The following NECAP2 variants were observed in gnomAD, a reference collection of about 807,000 sequenced individuals.
NECAP2 encodes the protein adaptin ear-binding coat-associated protein 2.
In NECAP2, 38 loss-of-function variants were observed where a neutral mutation model predicts 37.8. That is an observed-to-expected ratio of 1.01 (90% CI 0.78 to 1.32). The LOEUF (loss-of-function observed/expected upper bound fraction) is 1.32. Ranked by LOEUF, NECAP2 falls within the 40% of genes most tolerant of loss-of-function variation. NECAP2 has a pLI of 0.00. For missense variants in NECAP2, 316 were observed against 334.5 expected, an observed-to-expected ratio of 0.94 and a Z score of 0.43; for synonymous variants, 121 against 127.7, an observed-to-expected ratio of 0.95 and a Z score of 0.35.
At position 16,449,106 on chromosome 1, in the gene NECAP2, C is replaced by T. The variant is rs761089425; in HGVS notation, c.394C>T (p.Gln132Ter). 2.5e-6 allele frequency: 4 copies of T among 1,612,376 alleles called. No homozygotes were observed. Among genetic ancestry groups the T allele is most frequent in the Non-Finnish European group, 3.4e-6 (4 of 1,179,118 alleles). ...LQDHFKWVKQ[Q>*]CEFAKQAQNP... is the part of the protein sequence containing the mutation. ...TTCTCTCCCCAGGTGGGTGAAACAGCAGTGTGAATTTGCAAAACAAGCCCA... is the reference window on the plus strand; with the variant it reads ...TTCTCTCCCCAGGTGGGTGAAACAGTAGTGTGAATTTGCAAAACAAGCCCA... Residue 132 changes from glutamine to a stop codon, truncating the protein, a stop_gained, in exon 5 of 8, where the codon CAG becomes TAG. Transcript: ENST00000337132. LOFTEE classifies it high-confidence loss of function.
chr1:16,445,542 C>T (rs1402839069), intron 2 of NECAP2, among the ~76,000 whole-genome samples: 1 of 152,188 alleles, frequency 6.6e-6, no homozygotes, highest in Non-Finnish European at 1.5e-5. Flanking sequence ...GAACACAAGG[C>T]AGATAAATTG....
Position 16,458,935 on chromosome 1 carries a change from C to T in NECAP2, c.*45C>T. ...CATGTGACTTCTGGGAAGGCGCTCC[C>T]TCATCTGGGCCAAAGGAAGGAGGAC... On this transcript the variant is annotated 3_prime_UTR_variant, in exon 8 of 8. Coordinates refer to ENST00000337132, the MANE Select transcript of NECAP2 (RefSeq NM_018090.5). The T allele has an allele frequency of 1.2e-6, 2 of 1,614,024 alleles. No homozygotes were observed. Among genetic ancestry groups the T allele is most frequent in the Non-Finnish European group, 1.7e-6 (2 of 1,179,994 alleles).
chr1:16,448,476 C>A (rs1467869170), intron 4 of NECAP2: 1 of 336,898 alleles, frequency 3.0e-6, no homozygotes, highest in Non-Finnish European at 5.6e-6. Flanking sequence ...ATTCCCAGGG[C>A]ACCCAGCAGA....
intron 2 of NECAP2, 68 bp downstream of exon 2, chr1:16,443,800 G>A: frequency 7.8e-7 from 1 of 1,275,038 alleles, no homozygotes; most frequent in Non-Finnish European, 1.1e-6. Flanking sequence ...GAGGTGGCCT[G>A]GTCTGGCCAG....
intron 5 of NECAP2, chr1:16,451,479 C>T (rs1322789494): frequency 4.8e-6 from 1 of 210,470 alleles, no homozygotes; most frequent in Non-Finnish European, 9.5e-6. Flanking sequence ...AGTAGTTTTA[C>T]CAGTTTACAC....
chr1:16,451,613 G>A, intron 5 of NECAP2: 1 of 581,398 alleles, frequency 1.7e-6, no homozygotes, highest in Non-Finnish European at 3.1e-6. Context: ...TTTCCCTGAT[G>A]AATGAAGTGG....
At chr1:16,452,697 G>A (rs1274520522) in intron 6 of NECAP2, among the ~76,000 whole-genome samples, 1 of 152,102 alleles carries the variant, frequency 6.6e-6, no homozygotes, top group African/African-American at 2.4e-5. Context: ...CTGGGATTCC[G>A]GAAGCGAGTG....
Position 16,443,702 on chromosome 1 carries a change from G to A in NECAP2, c.163G>A (p.Ala55Thr). 6.2e-7 allele frequency: 1 copy of A among 1,613,062 alleles called. No individual in the cohort carries two copies. Among genetic ancestry groups the A allele is most frequent in the Non-Finnish European group, 8.5e-7 (1 of 1,179,858 alleles). Residue 55 changes from alanine to threonine, a missense_variant, in exon 2 of 8, where the codon GCC (alanine) becomes ACC (threonine). By Grantham distance (58) the Ala-to-Thr change is moderately conservative (BLOSUM62 0). Around this residue, in one of 3 missense-constraint regions of NECAP2, gnomAD observed 81 missense variants for 124.2 expected, o/e 0.65. Coordinates refer to ENST00000337132, the MANE Select transcript of NECAP2 (RefSeq NM_018090.5). ...GAGGATCACTGCAAAGGGACAGATGGCCTACATCAAGCTGGAGGACAGGAC... is the reference window on the plus strand; with the variant it reads ...GAGGATCACTGCAAAGGGACAGATGACCTACATCAAGCTGGAGGACAGGAC... ...RLRITAKGQM[A>T]YIKLEDRTSG...
At chr1:16,446,068 C>T (rs1321357277) in intron 2 of NECAP2, among the ~76,000 whole-genome samples, 6 of 151,948 alleles carry the variant, frequency 3.9e-5, no homozygotes, top group African/African-American at 9.7e-5. Context: ...ATTAGCCGGG[C>T]GTGGTGGTGC....
rs1327306053 is a variant in NECAP2, at chr1:16,452,006, C to T, written c.658C>T (p.Pro220Ser). ...ATCCCTCGTCCAGCCAGCAGTTGCT[C>T]CCAGTTCAGGTTAGTGCTCAGTGGG... is the stretch of plus-strand genomic sequence containing the variant. ...GGSLVQPAVAPSSGGAPVPWP... is the reference protein window; with the variant it reads ...GGSLVQPAVASSSGGAPVPWP... The change falls in exon 6 of 8, where the codon CCC becomes TCC. Residue 220 changes from proline (P) to serine (S), a missense_variant. By Grantham distance (74) the Pro-to-Ser change is moderately conservative (BLOSUM62 -1). This residue lies in a region of NECAP2 where 204 missense variants were observed against 188.6 expected (regional missense o/e 1.08). Coordinates refer to ENST00000337132, the MANE Select transcript of NECAP2 (RefSeq NM_018090.5). 3 of 1,591,722 alleles carry T rather than the reference C, an allele frequency of 1.9e-6. No homozygotes were observed. Among genetic ancestry groups the T allele is most frequent in the East Asian group, 2.2e-5 (1 of 44,696 alleles).
chr1:16,448,145 AGT>A lies in NECAP2; in HGVS notation c.380+6_380+7del. On this transcript the variant is annotated splice_donor_5th_base_variant and intron_variant, in intron 4 of 7. Transcript: ENST00000337132. ...TTGCATTGCAGGACCATTTCAAGTG[AGT>A]GGGTCTGGGAGACACACGCTCATGC... 1 of 1,613,588 alleles carries A rather than the reference AGT, an allele frequency of 6.2e-7. No homozygotes were observed. Among genetic ancestry groups the A allele is most frequent in the South Asian group, 1.1e-5 (1 of 91,068 alleles).
chr1:16,453,109 C>CT lies in NECAP2; in HGVS notation c.667+1108dup, dbSNP rs977932724. On this transcript the variant is annotated intron_variant, in intron 6 of 7. Coordinates refer to ENST00000337132, the MANE Select transcript of NECAP2 (RefSeq NM_018090.5). ...GGGGCAAGAATCTGCATTCTTGTGT[C>CT]TTTTTTTTTTTTTTGAAATGGAGTT... Among the ~76,000 whole-genome samples, 1,191 of 141,530 alleles carry CT rather than the reference C, an allele frequency of 8.4e-3. 11 individuals are homozygous for CT. Among genetic ancestry groups the CT allele is most frequent in the East Asian group, 0.042 (206 of 4,928 alleles). 92.8% of individuals were successfully genotyped at this position (141,530 alleles called of 152,430 possible). A position where few individuals can be genotyped will look rare whatever the true frequency, so the allele number is the denominator to read the frequency against.
At chr1:16,457,909 C>G (rs1048247851) in intron 7 of NECAP2, among the ~76,000 whole-genome samples, 1 of 151,754 alleles carries the variant, frequency 6.6e-6, no homozygotes, top group African/African-American at 2.4e-5. Flanking sequence ...CGGGGTTTTG[C>G]TATGTTGCCC....
chr1:16,456,225 A>G (rs141579140), intron 7 of NECAP2, among the ~76,000 whole-genome samples: 109 of 151,918 alleles, frequency 7.2e-4, no homozygotes, highest in Middle Eastern at 6.8e-3. Flanking sequence ...GGGTTTTACC[A>G]TGTTCGTCAG....
chr1:16,454,373 TAAG>T (rs1174760436), intron 6 of NECAP2, among the ~76,000 whole-genome samples: 2 of 143,626 alleles, frequency 1.4e-5, no homozygotes, highest in East Asian at 2.1e-4. Flanking sequence ...TATTTATTTT[TAAG>T]AAGGAGTCTC....
At chr1:16,450,284 T>C in intron 5 of NECAP2, 1 of 384,418 alleles carries the variant, frequency 2.6e-6, no homozygotes, top group Non-Finnish European at 5.1e-6. Context: ...TGTTTTGTTT[T>C]GTTGTTTTTT....
chr1:16,444,863 C>T (rs2086736937), intron 2 of NECAP2, among the ~76,000 whole-genome samples: 1 of 152,172 alleles, frequency 6.6e-6, no homozygotes. Flanking sequence ...TGCTCTGTCA[C>T]CCAGGCTGGA....
At chr1:16,448,694 T>G (rs982040789) in intron 4 of NECAP2, among the ~76,000 whole-genome samples, 6 of 152,128 alleles carry the variant, frequency 3.9e-5, no homozygotes, top group Non-Finnish European at 5.9e-5. Flanking sequence ...GGTATCTGTC[T>G]TGTCCCCCCG....
chr1:16,449,400 TA>T, intron 5 of NECAP2, 199 bp downstream of exon 5: 1 of 537,050 alleles, frequency 1.9e-6, no homozygotes, highest in Non-Finnish European at 3.3e-6. Context: ...GACAGGCAGG[TA>T]AAAATGTGAT....
Sources: allele counts gnomAD v4.1 joint callset (sites outside exome capture counted in the v4.1 genomes callset), GRCh38; gene constraint gnomAD v4.1.1; regional missense constraint gnomAD v4.1.1; transcripts MANE v1.5; gene names NCBI Gene and HGNC (gene_info 2026-07-23, HGNC 2026-07-21).